SV2C: variants seen among roughly 807,000 people sequenced by gnomAD.
SV2C encodes synaptic vesicle glycoprotein 2C, also known as solute carrier family 22 member B3.
A neutral mutation model predicts 79.7 loss-of-function variants in SV2C; 49 were observed. The ratio of observed to expected loss-of-function variants is 0.61; its 90% CI spans 0.49 to 0.78. The LOEUF (loss-of-function observed/expected upper bound fraction) is 0.78, where lower values mean the gene tolerates loss of function less well. Among genes scored for constraint, SV2C ranks in the 30% least tolerant of loss-of-function variants. SV2C has a pLI of 0.00. For synonymous variants in SV2C, 334 were observed against 333.2 expected (o/e 1.00, Z -0.03); for missense variants, 833 against 912.9 (o/e 0.91, Z 1.13).
chr5:76,135,623 A>C (rs551018640), intron 2 of SV2C, among the ~76,000 whole-genome samples: 2 of 152,366 alleles, frequency 1.3e-5, no homozygotes, highest in East Asian at 3.9e-4. Context: ...CAGTGAGCAC[A>C]ATAAACACAA....
At chr5:76,243,081 T>C (rs778624556) in intron 4 of SV2C, among the ~76,000 whole-genome samples, 1 of 144,316 alleles carries the variant, frequency 6.9e-6, no homozygotes, top group African/African-American at 2.6e-5. Flanking sequence ...GATAGTGGCA[T>C]CTACTTGTTA....
the SV2C span, among the ~76,000 whole-genome samples, chr5:75,852,151 C>T: frequency 6.6e-6 from 1 of 152,040 alleles, no homozygotes; most frequent in Non-Finnish European, 1.5e-5. Flanking sequence ...ACATCACACA[C>T]CAGGGCCTGT....
the SV2C span, among the ~76,000 whole-genome samples, chr5:75,883,261 A>G: frequency 7.5e-6 from 1 of 133,412 alleles, no homozygotes; most frequent in African/African-American, 3.3e-5. Flanking sequence ...AACTAGTTCA[A>G]CCATTGTGGA....
the SV2C span, among the ~76,000 whole-genome samples, chr5:76,054,044 G>C: frequency 6.6e-6 from 1 of 151,942 alleles, no homozygotes; most frequent in East Asian, 1.9e-4. Context: ...TGTTACATAG[G>C]TATGCAAGTG....
chr5:76,238,349 C>A (rs1037502724), intron 4 of SV2C, among the ~76,000 whole-genome samples: 1 of 151,606 alleles, frequency 6.6e-6, no homozygotes, highest in Non-Finnish European at 1.5e-5. Context: ...CCTTTTTAAT[C>A]CAACCTTTCA....
chr5:75,973,003 A>G, the SV2C span, among the ~76,000 whole-genome samples: 6 of 152,140 alleles, frequency 3.9e-5, no homozygotes, highest in Non-Finnish European at 8.8e-5. Flanking sequence ...AGCTATAAAA[A>G]TGATGAGTTC....
intron 2 of SV2C, among the ~76,000 whole-genome samples, chr5:76,158,502 A>C (rs918262354): frequency 7.2e-5 from 11 of 151,982 alleles, no homozygotes; most frequent in African/African-American, 2.7e-4. Context: ...ATGATATAAC[A>C]ATTATAGACA....
At chr5:75,962,163 G>T in the SV2C span, among the ~76,000 whole-genome samples, 1 of 152,096 alleles carries the variant, frequency 6.6e-6, no homozygotes, top group Non-Finnish European at 1.5e-5. Context: ...GGTATTTAGG[G>T]TTATAAATTA....
the SV2C span, among the ~76,000 whole-genome samples, chr5:76,045,800 C>T: frequency 6.6e-6 from 1 of 152,136 alleles, no homozygotes; most frequent in Non-Finnish European, 1.5e-5. Context: ...ACTTGCAAGG[C>T]CTCCTTATTC....
chr5:76,047,434 G>A, the SV2C span, among the ~76,000 whole-genome samples: 4 of 152,174 alleles, frequency 2.6e-5, no homozygotes, highest in African/African-American at 9.7e-5. Flanking sequence ...TGCAGTTTGT[G>A]TATTCTCAGG....
the SV2C span, among the ~76,000 whole-genome samples, chr5:75,916,419 C>A: frequency 4.1e-5 from 6 of 147,900 alleles, no homozygotes; most frequent in African/African-American, 1.5e-4. Context: ...CCTCCTCCAC[C>A]TCCTCTTCTT....
chr5:75,896,766 G>T, the SV2C span, among the ~76,000 whole-genome samples: 3 of 148,740 alleles, frequency 2.0e-5, no homozygotes, highest in Non-Finnish European at 4.4e-5. Context: ...CATTCTAACT[G>T]GTGTGAGATG....
chr5:76,154,735 G>T (rs1474193457), intron 2 of SV2C, among the ~76,000 whole-genome samples: 1 of 152,128 alleles, frequency 6.6e-6, no homozygotes, highest in Non-Finnish European at 1.5e-5. Context: ...ATCTGGAAAT[G>T]GCCTGTAAAC....
the SV2C span, among the ~76,000 whole-genome samples, chr5:75,891,436 G>A: frequency 1.3e-5 from 2 of 152,072 alleles, no homozygotes; most frequent in African/African-American, 4.8e-5. Flanking sequence ...TTTGAGGAAA[G>A]GGCTTAATAT....
intron 1 of SV2C, among the ~76,000 whole-genome samples, chr5:76,106,811 T>G (rs527793685): frequency 3.9e-5 from 6 of 152,140 alleles, no homozygotes; most frequent in East Asian, 1.9e-4. Context: ...TGCCTTACTC[T>G]TTTTTTTCAT....
chr5:75,884,840 C>A, the SV2C span, among the ~76,000 whole-genome samples: 66 of 151,880 alleles, frequency 4.3e-4, no homozygotes, highest in East Asian at 0.011. Context: ...AAAGAAAAAA[C>A]CATATTGTAC....
At chr5:76,253,217 G>A (rs1440872192) in intron 4 of SV2C, among the ~76,000 whole-genome samples, 1 of 152,178 alleles carries the variant, frequency 6.6e-6, no homozygotes, top group African/African-American at 2.4e-5. Flanking sequence ...ATAGTGGAAT[G>A]GAAATTCAAG....
chr5:75,940,505 T>A, the SV2C span, among the ~76,000 whole-genome samples: 3 of 152,202 alleles, frequency 2.0e-5, no homozygotes, highest in Non-Finnish European at 4.4e-5. Context: ...TGTTTCCCAC[T>A]GGTTAATGGT....
At chr5:76,337,507 A>G (rs1749351651), downstream of SV2C, among the ~76,000 whole-genome samples, 1 of 152,188 alleles carries the variant, frequency 6.6e-6, no homozygotes, top group South Asian at 2.1e-4. Context: ...TGTCCCAAAT[A>G]CTACCTATTT....
Sources: allele counts gnomAD v4.1 joint callset (sites outside exome capture counted in the v4.1 genomes callset), GRCh38; gene constraint gnomAD v4.1.1; transcripts MANE v1.5; gene names NCBI Gene and HGNC (gene_info 2026-07-23, HGNC 2026-07-21).